The following NXPE2 variants were observed in gnomAD, a reference collection of about 807,000 sequenced individuals.
The protein encoded by NXPE2 is NXPE family member 2.
Under a neutral mutation model 34.4 loss-of-function variants are expected in NXPE2, and 34 were observed. That is an observed-to-expected ratio of 0.99 (90% CI 0.75 to 1.31). The LOEUF (loss-of-function observed/expected upper bound fraction) is 1.31. Among genes scored for constraint, NXPE2 ranks in the 40% most tolerant of loss-of-function variants. The pLI, the probability that NXPE2 is intolerant of heterozygous loss-of-function variation, is 0.00. For missense variants in NXPE2, 649 were observed against 672.5 expected, an observed-to-expected ratio of 0.97 and a Z score of 0.39; for synonymous variants, 235 against 231.3, an observed-to-expected ratio of 1.02 and a Z score of -0.15.
the NXPE2 span, among the ~76,000 whole-genome samples, chr11:114,557,125 C>G: frequency 1.3e-5 from 2 of 152,056 alleles, no homozygotes; most frequent in African/African-American, 4.8e-5. Context: ...AATTCCTGAC[C>G]TCAAGTAATC....
At chr11:114,747,148 T>C in the NXPE2 span, among the ~76,000 whole-genome samples, 48 of 152,324 alleles carry the variant, frequency 3.2e-4, no homozygotes, top group African/African-American at 1.1e-3. Flanking sequence ...CTCTATAGGA[T>C]AGATTATACT....
At chr11:114,768,487 T>C in the NXPE2 span, among the ~76,000 whole-genome samples, 2 of 152,224 alleles carry the variant, frequency 1.3e-5, no homozygotes, top group African/African-American at 4.8e-5. Flanking sequence ...ATTGAATCTA[T>C]AAATTACTTT....
chr11:114,561,678 G>A, the NXPE2 span, among the ~76,000 whole-genome samples: 6 of 152,118 alleles, frequency 3.9e-5, no homozygotes, highest in African/African-American at 9.7e-5. Flanking sequence ...TTTATGAAAT[G>A]TCTGATGTCA....
the NXPE2 span, among the ~76,000 whole-genome samples, chr11:114,607,328 G>T: frequency 7.2e-5 from 11 of 151,880 alleles, no homozygotes; most frequent in African/African-American, 2.7e-4. Context: ...TTGTTAGCCC[G>T]TTGATACTAA....
chr11:114,527,647 T>G, the NXPE2 span, among the ~76,000 whole-genome samples: 5 of 152,338 alleles, frequency 3.3e-5, no homozygotes, highest in Non-Finnish European at 5.9e-5. Flanking sequence ...TCCTTTTGGA[T>G]ATATCAAGAT....
chr11:114,694,588 A>C (rs1951213151), intron 2 of NXPE2, among the ~76,000 whole-genome samples: 1 of 151,908 alleles, frequency 6.6e-6, no homozygotes, highest in African/African-American at 2.4e-5. Flanking sequence ...ATTTATGCCT[A>C]TTGTGTTTGT....
At chr11:114,562,525 A>C in the NXPE2 span, among the ~76,000 whole-genome samples, 8 of 152,334 alleles carry the variant, frequency 5.3e-5, no homozygotes, top group African/African-American at 1.9e-4. Context: ...TCATCAGGAT[A>C]TCCAACAAGT....
chr11:114,627,607 T>C, the NXPE2 span, among the ~76,000 whole-genome samples: 2 of 150,860 alleles, frequency 1.3e-5, no homozygotes, highest in Non-Finnish European at 2.9e-5. Context: ...AGAAACTGTA[T>C]CAACTAACGA....
At chr11:114,593,945 G>A in the NXPE2 span, among the ~76,000 whole-genome samples, 61 of 152,132 alleles carry the variant, frequency 4.0e-4, no homozygotes, top group African/African-American at 1.3e-3. Context: ...TTGCATGTTC[G>A]TTTTTATTTG....
the NXPE2 span, chr11:114,552,793 A>G: frequency 1.4e-6 from 1 of 725,926 alleles, no homozygotes; most frequent in East Asian, 1.3e-4. Flanking sequence ...TAAATCTTAG[A>G]TTCTCAATCT....
At chr11:114,477,295 G>A in the NXPE2 span, among the ~76,000 whole-genome samples, 1 of 152,136 alleles carries the variant, frequency 6.6e-6, no homozygotes, top group Non-Finnish European at 1.5e-5. Flanking sequence ...CTATTGTAGA[G>A]ATGGTGACTA....
the NXPE2 span, chr11:114,512,850 G>C: frequency 1.4e-5 from 3 of 218,322 alleles, no homozygotes; most frequent in Admixed American, 1.6e-4. Context: ...AGGCTTCTTG[G>C]GTATGCAGGT....
the NXPE2 span, chr11:114,522,640 AC>A: frequency 1.3e-6 from 1 of 767,476 alleles, no homozygotes; most frequent in East Asian, 2.7e-5. Flanking sequence ...AGGGTACAGT[AC>A]CCCCAGTTCA....
At chr11:114,538,000 G>A in the NXPE2 span, among the ~76,000 whole-genome samples, 2 of 152,168 alleles carry the variant, frequency 1.3e-5, no homozygotes, top group African/African-American at 4.8e-5. Flanking sequence ...AACAAAGCTG[G>A]AGGCATCCCG....
At chr11:114,516,767 G>A in the NXPE2 span, among the ~76,000 whole-genome samples, 734 of 152,166 alleles carry the variant, frequency 4.8e-3, 29 homozygotes, top group Non-Finnish European at 1.2e-3. Flanking sequence ...GTTCCTTCTG[G>A]AATGCTTTCC....
At chr11:114,663,155 G>A in the NXPE2 span, among the ~76,000 whole-genome samples, 4 of 152,168 alleles carry the variant, frequency 2.6e-5, no homozygotes, top group Non-Finnish European at 5.9e-5. Context: ...ATTGGTGGTA[G>A]TCTGGCAGTA....
the NXPE2 span, among the ~76,000 whole-genome samples, chr11:114,616,225 A>G: frequency 6.6e-6 from 1 of 150,626 alleles, no homozygotes; most frequent in Admixed American, 6.6e-5. Context: ...GATAATAAGT[A>G]TTGCCTCACT....
At chr11:114,708,135 G>T (rs1354982106), downstream of NXPE2, among the ~76,000 whole-genome samples, 2 of 152,144 alleles carry the variant, frequency 1.3e-5, no homozygotes, top group Non-Finnish European at 2.9e-5. Context: ...GAGAAAATGT[G>T]ATGTATACAG....
chr11:114,484,512 C>A, the NXPE2 span, among the ~76,000 whole-genome samples: 7,726 of 152,194 alleles, frequency 0.051, 284 homozygotes, highest in Non-Finnish European at 0.07. Context: ...GTTGTCTACT[C>A]CGTGGCTTTT....
Sources: gnomAD v4.1 joint callset for allele counts (sites outside exome capture counted in the v4.1 genomes callset) on GRCh38, gnomAD v4.1.1 for gene constraint, MANE v1.5 for transcripts, NCBI Gene and HGNC (gene_info 2026-07-23, HGNC 2026-07-21) for gene names.